CAMKMT: variants seen among roughly 807,000 people sequenced by gnomAD.
The protein encoded by CAMKMT is CaM KMT.
A neutral mutation model predicts 48.0 loss-of-function variants in CAMKMT; 53 were observed. The observed-to-expected ratio is 1.10, with a 90% CI of 0.89 to 1.39. The LOEUF (loss-of-function observed/expected upper bound fraction) is 1.39, where lower values mean the gene tolerates loss of function less well. Among genes scored for constraint, CAMKMT ranks in the 40% most tolerant of loss-of-function variants. CAMKMT has a pLI of 0.00. For synonymous variants in CAMKMT, 165 were observed against 152.3 expected, an observed-to-expected ratio of 1.08 and a Z score of -0.61; for missense variants, 428 against 402.7, an observed-to-expected ratio of 1.06 and a Z score of -0.54.
At chr2:44,389,787 T>G (rs11886678) in intron 2 of CAMKMT, among the ~76,000 whole-genome samples, 5,928 of 152,270 alleles carry the variant, frequency 0.039, 246 homozygotes, top group African/African-American at 0.1. Context: ...TGTCTGTAGA[T>G]GGAATAGCAG....
At chr2:44,373,614 G>A (rs1679389862) in intron 2 of CAMKMT, among the ~76,000 whole-genome samples, 1 of 152,180 alleles carries the variant, frequency 6.6e-6, no homozygotes, top group South Asian at 2.1e-4. Flanking sequence ...CATTTTAAGT[G>A]TAAATGTGAC....
rs1174344846 is a variant in CAMKMT, at chr2:44,627,697, C to CTTTTTTTTTTTTTTT, written c.377-76570_377-76556dup. ...TTATTTATAATGGTCCCATTTTATC[C>CTTTTTTTTTTTTTTT]TTTTTTTTTTTTTTTTTTTTTTTTT... On this transcript the variant is annotated intron_variant, in intron 3 of 10. Coordinates refer to ENST00000378494, the MANE Select transcript of CAMKMT (RefSeq NM_024766.5). Among the ~76,000 whole-genome samples the CTTTTTTTTTTTTTTT allele has an allele frequency of 2.8e-4, 21 of 75,096 alleles. 3 individuals are homozygous for CTTTTTTTTTTTTTTT. Among genetic ancestry groups the CTTTTTTTTTTTTTTT allele is most frequent in the Non-Finnish European group, 4.8e-4 (20 of 41,772 alleles). The allele number at this position is 75,096 out of a possible 152,430, so 49.3% of individuals were successfully genotyped here. A position where few individuals can be genotyped will look rare whatever the true frequency, so the allele number is the denominator to read the frequency against.
chr2:44,481,384 G>A (rs1430280705), intron 3 of CAMKMT, among the ~76,000 whole-genome samples: 1 of 151,814 alleles, frequency 6.6e-6, no homozygotes, highest in Non-Finnish European at 1.5e-5. Flanking sequence ...ATAGCTAGCT[G>A]AATAGGAAAA....
intron 3 of CAMKMT, among the ~76,000 whole-genome samples, chr2:44,561,391 T>C (rs1043044858): frequency 6.6e-6 from 1 of 152,238 alleles, no homozygotes; most frequent in Non-Finnish European, 1.5e-5. Flanking sequence ...TTTTCTTTCC[T>C]TCTTTGTGTT....
At chr2:44,596,617 C>G (rs932782797) in intron 3 of CAMKMT, among the ~76,000 whole-genome samples, 1 of 152,042 alleles carries the variant, frequency 6.6e-6, no homozygotes, top group Non-Finnish European at 1.5e-5. Flanking sequence ...CAAATGTAAT[C>G]TCTTAAAGTC....
intron 3 of CAMKMT, among the ~76,000 whole-genome samples, chr2:44,398,971 C>A (rs1682111140): frequency 6.6e-6 from 1 of 152,088 alleles, no homozygotes; most frequent in South Asian, 2.1e-4. Context: ...TGAATATTTT[C>A]ATTATTTTCT....
intron 7 of CAMKMT, among the ~76,000 whole-genome samples, chr2:44,729,810 G>A (rs534933743): frequency 1.3e-5 from 2 of 152,280 alleles, no homozygotes; most frequent in African/African-American, 2.4e-5. Context: ...CTCAAAGTGT[G>A]GCCCCCTGAC....
chr2:44,517,960 T>C (rs1206322398), intron 3 of CAMKMT, among the ~76,000 whole-genome samples: 1 of 152,206 alleles, frequency 6.6e-6, no homozygotes, highest in Non-Finnish European at 1.5e-5. Context: ...TTTATTTTGC[T>C]TTTCTTGGGG....
chr2:44,434,614 A>G (rs1442748601), intron 3 of CAMKMT, among the ~76,000 whole-genome samples: 1 of 152,118 alleles, frequency 6.6e-6, no homozygotes, highest in Non-Finnish European at 1.5e-5. Context: ...CTTATTCAAT[A>G]TTGTCTCCCC....
At chr2:44,724,691 A>AT (rs1246660635) in intron 7 of CAMKMT, among the ~76,000 whole-genome samples, 1 of 152,182 alleles carries the variant, frequency 6.6e-6, no homozygotes, top group Non-Finnish European at 1.5e-5. Flanking sequence ...TGGACTCTGA[A>AT]TTTCTATGGT....
chr2:44,675,217 C>T (rs1675613114), intron 3 of CAMKMT, among the ~76,000 whole-genome samples: 1 of 152,164 alleles, frequency 6.6e-6, no homozygotes, highest in Non-Finnish European at 1.5e-5. Flanking sequence ...TCCTTGCCTC[C>T]TCAACTTGAT....
At chr2:44,411,570 A>G (rs1683204912) in intron 3 of CAMKMT, among the ~76,000 whole-genome samples, 1 of 152,206 alleles carries the variant, frequency 6.6e-6, no homozygotes, top group Non-Finnish European at 1.5e-5. Context: ...GATTCTGAAT[A>G]AGGGTTAAAA....
intron 3 of CAMKMT, among the ~76,000 whole-genome samples, chr2:44,574,266 A>G (rs531023946): frequency 6.6e-6 from 1 of 152,278 alleles, no homozygotes; most frequent in South Asian, 2.1e-4. Flanking sequence ...CAGTGCCTTT[A>G]TTGGGGTTTT....
chr2:44,478,585 A>G (rs1668806228), intron 3 of CAMKMT, among the ~76,000 whole-genome samples: 1 of 152,234 alleles, frequency 6.6e-6, no homozygotes, highest in Non-Finnish European at 1.5e-5. Context: ...ATCTTTAACA[A>G]TAATAAAGGC....
rs545102889 is a variant in CAMKMT, at chr2:44,708,776, A to G, written c.556+1314A>G. On this transcript the variant is annotated intron_variant, in intron 6 of 10. Coordinates refer to ENST00000378494, the MANE Select transcript of CAMKMT (RefSeq NM_024766.5). ...CTTATGTCAGGGAATACAGAGCAAG[A>G]GGAAGCTCAGGTATGCCAGCTCAGC... is the stretch of plus-strand genomic sequence containing the variant. 1.1e-4 allele frequency among the ~76,000 whole-genome samples: 17 copies of G among 152,264 alleles called. No individual in the cohort carries two copies. In the East Asian group the frequency reaches 3.1e-3, roughly 28 times the overall value.
chr2:44,588,291 C>T (rs1172032607), intron 3 of CAMKMT, among the ~76,000 whole-genome samples: 2 of 66,236 alleles, frequency 3.0e-5, no homozygotes, highest in Admixed American at 1.8e-4. Context: ...GCAGCCACCC[C>T]GTCCGGGAGG....
At chr2:44,736,381 T>C (rs994710360) in intron 7 of CAMKMT, among the ~76,000 whole-genome samples, 3 of 152,236 alleles carry the variant, frequency 2.0e-5, no homozygotes, top group Non-Finnish European at 2.9e-5. Flanking sequence ...AAAAAAAATA[T>C]GCTGTCATCC....
chr2:44,367,175 T>A (rs1678687592), intron 1 of CAMKMT, among the ~76,000 whole-genome samples: 1 of 152,214 alleles, frequency 6.6e-6, no homozygotes, highest in South Asian at 2.1e-4. Context: ...GTAGGGTAAC[T>A]GGAATTGGCC....
chr2:44,590,893 C>T (rs370336204), intron 3 of CAMKMT, among the ~76,000 whole-genome samples: 6 of 151,502 alleles, frequency 4.0e-5, no homozygotes, highest in African/African-American at 7.3e-5. Context: ...TTAGGTCTAA[C>T]GTTTAAGTCT....
Sources: gnomAD v4.1 joint callset for allele counts (sites outside exome capture counted in the v4.1 genomes callset) on GRCh38, gnomAD v4.1.1 for gene constraint, MANE v1.5 for transcripts, NCBI Gene and HGNC (gene_info 2026-07-23, HGNC 2026-07-21) for gene names.